The following LRRC8C variants were observed in gnomAD, a reference collection of about 807,000 sequenced individuals.
LRRC8C encodes the protein volume-regulated anion channel subunit LRRC8C.
LRRC8C carries 20 observed loss-of-function variants against 55.3 expected under a neutral mutation model. The ratio of observed to expected loss-of-function variants is 0.36; its 90% CI spans 0.25 to 0.53. The LOEUF (loss-of-function observed/expected upper bound fraction) is 0.53, where lower values mean the gene tolerates loss of function less well. LRRC8C is among the 20% of genes least tolerant of loss of function. The pLI, the probability that LRRC8C is intolerant of heterozygous loss-of-function variation, is 0.92. For missense variants in LRRC8C, 659 were observed against 951.4 expected (o/e 0.69, Z 4.04); for synonymous variants, 376 against 360.7 (o/e 1.04, Z -0.48).
intron 2 of LRRC8C, among the ~76,000 whole-genome samples, chr1:89,691,966 T>C (rs781724888): frequency 1.3e-5 from 2 of 152,202 alleles, no homozygotes; most frequent in Non-Finnish European, 2.9e-5. Context: ...CACTCTATAG[T>C]GAGCATTAAC....
intron 2 of LRRC8C, among the ~76,000 whole-genome samples, chr1:89,697,922 G>C (rs867312205): frequency 1.3e-5 from 2 of 152,044 alleles, no homozygotes; most frequent in South Asian, 2.1e-4. Context: ...TTTAATGAAG[G>C]GTTAAAAAAA....
chr1:89,707,471 A>G (rs1325730495), intron 2 of LRRC8C, among the ~76,000 whole-genome samples: 5 of 152,080 alleles, frequency 3.3e-5, no homozygotes, highest in Non-Finnish European at 4.4e-5. Context: ...TAATGCCCCC[A>G]GCAGGTTCCT....
chr1:89,709,904 A>C (rs1454736180), intron 2 of LRRC8C, among the ~76,000 whole-genome samples: 1 of 151,642 alleles, frequency 6.6e-6, no homozygotes, highest in Non-Finnish European at 1.5e-5. Flanking sequence ...GGCGCCCGCC[A>C]CCGCGCCCGG....
In LRRC8C at chr1:89,659,958, C is replaced by A. The variant is rs72961837; in HGVS notation, c.-4-26512C>A. Among the ~76,000 whole-genome samples the A allele has an allele frequency of 6.0e-3, 911 of 152,210 alleles. 7 individuals carry two copies. Among genetic ancestry groups the A allele is most frequent in the African/African-American group, 0.021 (883 of 41,528 alleles). ...CAGGGGAGTGAAGAGGTGAAGAGAG[C>A]AAGTAGGAAAGTGTTGATCTTGGAC... On this transcript the variant is annotated intron_variant, in intron 1 of 2. Coordinates refer to ENST00000370454, the MANE Select transcript of LRRC8C (RefSeq NM_032270.5).
intron 1 of LRRC8C, among the ~76,000 whole-genome samples, chr1:89,636,293 A>G (rs1656280356): frequency 6.6e-6 from 1 of 152,146 alleles, no homozygotes; most frequent in South Asian, 2.1e-4. Flanking sequence ...ATTTCACTTT[A>G]TGTATATTTT....
At chr1:89,640,007 G>A (rs1391129799) in intron 1 of LRRC8C, among the ~76,000 whole-genome samples, 3 of 152,240 alleles carry the variant, frequency 2.0e-5, no homozygotes, top group East Asian at 1.9e-4. Context: ...TAAATCCTAG[G>A]TAACAGTCAC....
rs555838021 is a variant in LRRC8C at position 89,642,450 on chromosome 1, C to T, written c.-5+9128C>T. On this transcript the variant is annotated intron_variant, in intron 1 of 2. Transcript: ENST00000370454. The stretch of plus-strand genomic sequence containing the variant: ...TTATTCATGGCTGGGTGCAGTGGCT[C>T]CTGCCTGTAATCCCAGCACTTTGGG... Among the ~76,000 whole-genome samples, 29 of 152,330 alleles carry T rather than the reference C, an allele frequency of 1.9e-4. 1 individual carries two copies. The East Asian group carries it at 3.5e-3, about 18-fold the overall frequency.
At chr1:89,646,749 G>A (rs552277665) in intron 1 of LRRC8C, among the ~76,000 whole-genome samples, 1 of 151,974 alleles carries the variant, frequency 6.6e-6, no homozygotes, top group South Asian at 2.1e-4. Flanking sequence ...ACAGGAGGCT[G>A]GCCAGTGTGA....
chr1:89,662,494 T>C (rs921387909), intron 1 of LRRC8C, among the ~76,000 whole-genome samples: 1 of 152,140 alleles, frequency 6.6e-6, no homozygotes, highest in African/African-American at 2.4e-5. Flanking sequence ...CTAGGGGTCA[T>C]TGGTAGAAGT....
rs1286052014 is a variant in LRRC8C at position 89,708,623 on chromosome 1, G to GGTTCCAGCT, written c.139-4086_139-4085insGTTCCAGCT. On this transcript the variant is annotated intron_variant, in intron 2 of 2. Coordinates refer to ENST00000370454, the MANE Select transcript of LRRC8C (RefSeq NM_032270.5). Reference sequence around the variant, plus strand: ...GAAGACAAAGAAGAAGAAGCTGCCTGCCTTATTTTTTTTCTTATTTTTCTC... The same window carrying GGTTCCAGCT: ...GAAGACAAAGAAGAAGAAGCTGCCTGGTTCCAGCTCCTTATTTTTTTTCTTATTTTTCTC... 2.2e-3 allele frequency: 336 copies of GGTTCCAGCT among 152,264 alleles called. 4 individuals carry two copies. The highest frequency in any genetic ancestry group is 7.6e-3 in the African/African-American group (314 of 41,494). 9.4% of individuals were successfully genotyped at this position (152,264 alleles called of 1,614,324 possible). A position where few individuals can be genotyped will look rare whatever the true frequency, so the allele number is the denominator to read the frequency against.
At chr1:89,661,316 C>T in intron 1 of LRRC8C, 1 of 355,882 alleles carries the variant, frequency 2.8e-6, no homozygotes, top group Non-Finnish European at 5.6e-6. Context: ...CTGGATTATT[C>T]TTTCTGTCCC....
At chr1:89,668,380 T>C (rs1657327348) in intron 1 of LRRC8C, 2 of 152,292 alleles carry the variant, frequency 1.3e-5, no homozygotes, top group South Asian at 4.1e-4. Flanking sequence ...TAGCTATTTA[T>C]TATAGAAGGA....
chr1:89,662,964 C>T (rs1418323752), intron 1 of LRRC8C, among the ~76,000 whole-genome samples: 1 of 152,100 alleles, frequency 6.6e-6, no homozygotes, highest in Admixed American at 6.6e-5. Flanking sequence ...TAATGCTATC[C>T]CTTCCCCAGC....
chr1:89,712,918 T>C lies in LRRC8C; in HGVS notation c.348T>C (p.Tyr116=), dbSNP rs913906820. 21 of 1,613,834 alleles carry C rather than the reference T, an allele frequency of 1.3e-5. No individual in the cohort carries two copies. The highest frequency in any genetic ancestry group is 1.8e-5 in the Non-Finnish European group (21 of 1,180,054). Residue 116 remains tyrosine, a synonymous_variant, in exon 3 of 3, where the codon TAT becomes TAC. Transcript: ENST00000370454. ...ACAGCTTTATAAATCAGATGTGTTATGAGCGAGCCCTCCACTGGTATGCCA... is the reference window on the plus strand; with the variant it reads ...ACAGCTTTATAAATCAGATGTGTTACGAGCGAGCCCTCCACTGGTATGCCA... ...QQYSFINQMC[Y]ERALHWYAKY... is the part of the protein sequence containing the mutation.
chr1:89,633,330 C>CG lies in LRRC8C; in HGVS notation c.-5+13dup, dbSNP rs549709908. The CG allele has an allele frequency of 3.3e-5, 5 of 152,366 alleles. No individual in the cohort carries two copies. In the South Asian group the frequency reaches 1.0e-3, roughly 32 times the overall value. The allele number at this position is 152,366 out of a possible 1,614,324, so 9.4% of individuals were successfully genotyped here. On this transcript the variant is annotated intron_variant, in intron 1 of 2. Transcript: ENST00000370454. The stretch of plus-strand genomic sequence containing the variant: ...ACACTCTCGCGCCCGGAGGTAAGGG[C>CG]GGGGGATCCGCGGAGGGATGGAGAG...
At chr1:89,627,415 C>T in the LRRC8C span, among the ~76,000 whole-genome samples, 17 of 152,022 alleles carry the variant, frequency 1.1e-4, 1 homozygote, top group Admixed American at 8.5e-4. Context: ...CTCGGAGCTA[C>T]GGACACATTA....
intron 2 of LRRC8C, among the ~76,000 whole-genome samples, chr1:89,707,870 A>G (rs1226724582): frequency 6.6e-6 from 1 of 151,952 alleles, no homozygotes; most frequent in Admixed American, 6.5e-5. Context: ...TAGGCAGTTT[A>G]GCTGTCTCTT....
At chr1:89,678,716 G>C (rs10801770) in intron 1 of LRRC8C, among the ~76,000 whole-genome samples, 1 of 144,368 alleles carries the variant, frequency 6.9e-6, no homozygotes, top group Non-Finnish European at 1.5e-5. Flanking sequence ...AAAAAAAAAC[G>C]AAAGGAAGAA....
intron 2 of LRRC8C, 42 bp downstream of exon 2, chr1:89,686,653 G>T: frequency 6.2e-7 from 1 of 1,607,904 alleles, no homozygotes. Flanking sequence ...CCAGAGCAAA[G>T]CACAAGTCAT....
Sources: gnomAD v4.1 joint callset for allele counts (sites outside exome capture counted in the v4.1 genomes callset) on GRCh38, gnomAD v4.1.1 for gene constraint, MANE v1.5 for transcripts, NCBI Gene and HGNC (gene_info 2026-07-23, HGNC 2026-07-21) for gene names.